The following HPSE2 variants were observed in gnomAD, a reference collection of about 807,000 sequenced individuals.
HPSE2 encodes heparanase 2 (inactive).
In HPSE2, 38 loss-of-function variants were observed where a neutral mutation model predicts 60.5. The observed-to-expected ratio is 0.63, with a 90% CI of 0.48 to 0.82. The LOEUF (loss-of-function observed/expected upper bound fraction) is 0.82, where lower values mean the gene tolerates loss of function less well. Ranked by LOEUF, HPSE2 falls within the 40% of genes least tolerant of loss-of-function variation. The pLI is 0.00. For missense variants in HPSE2, 713 were observed against 740.4 expected, an observed-to-expected ratio of 0.96 and a Z score of 0.43; for synonymous variants, 295 against 293.2, an observed-to-expected ratio of 1.01 and a Z score of -0.06.
intron 9 of HPSE2, among the ~76,000 whole-genome samples, chr10:98,600,964 G>GAC (rs1945409024): frequency 1.8e-5 from 1 of 54,674 alleles, no homozygotes; most frequent in South Asian, 8.2e-4. Flanking sequence ...GAGAGTGAGA[G>GAC]AGAGAGAGAG....
At chr10:99,060,696 T>C (rs1479016640) in intron 3 of HPSE2, among the ~76,000 whole-genome samples, 2 of 134,262 alleles carry the variant, frequency 1.5e-5, no homozygotes, top group Non-Finnish European at 3.1e-5. Flanking sequence ...GTGAGCAATC[T>C]AAGTGTCCAT....
intron 3 of HPSE2, among the ~76,000 whole-genome samples, chr10:99,125,632 A>C (rs1845132264): frequency 6.6e-6 from 1 of 152,226 alleles, no homozygotes; most frequent in Admixed American, 6.5e-5. Context: ...CACAGGCAAA[A>C]AACTGTGAGT....
At chr10:98,605,454 A>T (rs1009702577) in intron 9 of HPSE2, among the ~76,000 whole-genome samples, 1 of 152,216 alleles carries the variant, frequency 6.6e-6, no homozygotes, top group African/African-American at 2.4e-5. Context: ...TATTAAAAAG[A>T]ATTATCAGTG....
chr10:99,293,832 C>A, the HPSE2 span, among the ~76,000 whole-genome samples: 1 of 152,098 alleles, frequency 6.6e-6, no homozygotes, highest in Non-Finnish European at 1.5e-5. Flanking sequence ...AAAATATGTG[C>A]AGGGCATGGC....
At chr10:99,139,249 A>G (rs1413542925) in intron 3 of HPSE2, among the ~76,000 whole-genome samples, 3 of 152,184 alleles carry the variant, frequency 2.0e-5, no homozygotes, top group Non-Finnish European at 4.4e-5. Context: ...TTGCAAAGGC[A>G]TACAGAGTGG....
chr10:98,873,128 A>G (rs1952779318), intron 3 of HPSE2, among the ~76,000 whole-genome samples: 1 of 152,098 alleles, frequency 6.6e-6, no homozygotes, highest in Non-Finnish European at 1.5e-5. Flanking sequence ...GTATAATTTT[A>G]TGTGGTATAT....
chr10:98,814,649 T>A lies in HPSE2; in HGVS notation c.611-70593A>T, dbSNP rs559272305. 1.6e-4 allele frequency among the ~76,000 whole-genome samples: 24 copies of A among 152,304 alleles called. No homozygotes were observed. The South Asian group carries it at 4.8e-3, about 30-fold the overall frequency. ...AAGAAACACATTAAGGGCAGATACA[T>A]CAAACTGCAATTTATTGCATGCTTG... On this transcript the variant is annotated intron_variant, in intron 3 of 11. Transcript: ENST00000370552.
chr10:99,161,607 T>C (rs1157757922), intron 2 of HPSE2, among the ~76,000 whole-genome samples: 12 of 152,186 alleles, frequency 7.9e-5, no homozygotes, highest in Admixed American at 2.6e-4. Context: ...TGAAGATAAT[T>C]GTTGGAAGCC....
intron 3 of HPSE2, among the ~76,000 whole-genome samples, chr10:98,962,466 C>G (rs1955702862): frequency 6.6e-6 from 1 of 151,928 alleles, no homozygotes; most frequent in Admixed American, 6.6e-5. Flanking sequence ...AAACCCACAG[C>G]CAATATCATA....
chr10:98,688,477 C>CTTTTTTTTTTTTTT (rs1388717965), intron 6 of HPSE2, among the ~76,000 whole-genome samples: 3 of 83,012 alleles, frequency 3.6e-5, no homozygotes, highest in African/African-American at 8.8e-5. Context: ...TTTTTTTTTT[C>CTTTTTTTTTTTTTT]TTTTTTTTTT....
chr10:98,923,830 G>A (rs1363744532), intron 3 of HPSE2, among the ~76,000 whole-genome samples: 3 of 151,946 alleles, frequency 2.0e-5, no homozygotes, highest in Non-Finnish European at 4.4e-5. Flanking sequence ...GTTTCTTTGA[G>A]TTTCGTCAAA....
At chr10:99,283,431 AG>A in the HPSE2 span, among the ~76,000 whole-genome samples, 1 of 150,316 alleles carries the variant, frequency 6.7e-6, no homozygotes, top group African/African-American at 2.5e-5. Flanking sequence ...TTGAGCCAGG[AG>A]GGCAAGGCTG....
chr10:98,891,411 C>T (rs1434635558), intron 3 of HPSE2, among the ~76,000 whole-genome samples: 2 of 151,982 alleles, frequency 1.3e-5, no homozygotes, highest in Admixed American at 6.6e-5. Flanking sequence ...AATTACATTA[C>T]CACTTGTTAA....
chr10:98,799,753 T>A (rs945224621), intron 3 of HPSE2, among the ~76,000 whole-genome samples: 24 of 150,532 alleles, frequency 1.6e-4, no homozygotes, highest in African/African-American at 4.6e-4. Flanking sequence ...AAACACAACA[T>A]ACCACAACCT....
intron 3 of HPSE2, among the ~76,000 whole-genome samples, chr10:98,993,338 A>G (rs941941403): frequency 6.6e-6 from 1 of 152,244 alleles, no homozygotes; most frequent in African/African-American, 2.4e-5. Context: ...TTGCTCAGAC[A>G]TATACAACGT....
Position 98,718,443 on chromosome 10 carries a change from T to C in HPSE2, c.956+3214A>G, listed in dbSNP as rs75814510. 1.6e-4 allele frequency among the ~76,000 whole-genome samples: 25 copies of C among 152,290 alleles called. No homozygotes were observed. The East Asian group carries it at 4.8e-3, about 29-fold the overall frequency. On this transcript the variant is annotated intron_variant, in intron 5 of 11. Coordinates refer to ENST00000370552, the MANE Select transcript of HPSE2 (RefSeq NM_021828.5). ...CCCAGCAATCCCACCTATGGGTATG[T>C]ATCCAAAATAGAGGAAGTCAGTATA...
chr10:98,673,550 A>G (rs1174825248), intron 6 of HPSE2, among the ~76,000 whole-genome samples: 1 of 152,168 alleles, frequency 6.6e-6, no homozygotes, highest in African/African-American at 2.4e-5. Context: ...TCAAGAGAGC[A>G]GGGGAGCATG....
intron 3 of HPSE2, among the ~76,000 whole-genome samples, chr10:99,019,245 C>T (rs2135421157): frequency 6.6e-6 from 1 of 152,268 alleles, no homozygotes; most frequent in South Asian, 2.1e-4. Context: ...GCTTGCTGGG[C>T]CATGTGATTC....
intron 3 of HPSE2, among the ~76,000 whole-genome samples, chr10:98,752,721 C>G (rs1949787223): frequency 6.6e-6 from 1 of 151,980 alleles, no homozygotes; most frequent in South Asian, 2.1e-4. Flanking sequence ...TGCCAAAAGA[C>G]CAAAAAGATA....
Sources: allele counts gnomAD v4.1 joint callset (sites outside exome capture counted in the v4.1 genomes callset), GRCh38; gene constraint gnomAD v4.1.1; transcripts MANE v1.5; gene names NCBI Gene and HGNC (gene_info 2026-07-23, HGNC 2026-07-21).